NPAS1: variants seen among roughly 807,000 people sequenced by gnomAD.
NPAS1 encodes neuronal PAS domain-containing protein 1.
Under a neutral mutation model 49.2 loss-of-function variants are expected in NPAS1, and 29 were observed. That is an observed-to-expected ratio of 0.59 (90% CI 0.44 to 0.80). The LOEUF (loss-of-function observed/expected upper bound fraction) is 0.80, where lower values mean the gene tolerates loss of function less well. Ranked by LOEUF, NPAS1 falls within the 30% of genes least tolerant of loss-of-function variation. NPAS1 has a pLI of 0.00. For missense variants in NPAS1, 825 were observed against 835.5 expected (o/e 0.99, Z 0.15); for synonymous variants, 408 against 380.4 (o/e 1.07, Z -0.84).
chr19:47,027,500 CTGGTCTCCCA>C lies in NPAS1; in HGVS notation c.359-4776_359-4767del, dbSNP rs1404878891. Among the ~76,000 whole-genome samples the C allele has an allele frequency of 8.5e-4, 50 of 58,704 alleles. 8 individuals carry two copies. Among genetic ancestry groups the C allele is most frequent in the African/African-American group, 3.5e-3 (49 of 14,046 alleles). The allele number at this position is 58,704 out of a possible 152,430, so 38.5% of individuals were successfully genotyped here. On this transcript the variant is annotated intron_variant, in intron 3 of 11. Transcript: ENST00000602212. ...CCCCTGGTCTCCCGTCTCTCTGCCC[CTGGTCTCCCA>C]TCTCTCTGCCCCTGTTCTCCCTTCT...
intron 6 of NPAS1, among the ~76,000 whole-genome samples, chr19:47,038,791 A>G (rs2056987616): frequency 6.6e-6 from 1 of 151,760 alleles, no homozygotes; most frequent in Non-Finnish European, 1.5e-5. Context: ...TGCGCCATTC[A>G]CTCCAGCCTG....
intron 6 of NPAS1, 39 bp from the exon 7 acceptor site, chr19:47,038,997 C>G: frequency 6.3e-7 from 1 of 1,586,778 alleles, no homozygotes; most frequent in Non-Finnish European, 8.7e-7. Context: ...TGTGTTTCCT[C>G]TTCAGGACCC....
rs1463909723 is a variant in NPAS1 at position 47,036,059 on chromosome 19, C to T, written c.618C>T (p.Gly206=). The change falls in exon 6 of 12, where the codon GGC becomes GGT. Residue 206 remains glycine (G), a synonymous_variant. Coordinates refer to ENST00000602212, the MANE Select transcript of NPAS1 (RefSeq NM_002517.4). The part of the protein sequence containing the change: ...EQLGLRTPTP[G]PPTPPSVSSS... ...TGGGGCTGCGGACGCCGACGCCCGGCCCCCCAACCCCGCCCTCCGTCTCCT... is the reference window on the plus strand; with the variant it reads ...TGGGGCTGCGGACGCCGACGCCCGGTCCCCCAACCCCGCCCTCCGTCTCCT... 1.9e-6 allele frequency: 3 copies of T among 1,598,554 alleles called. No individual in the cohort carries two copies. Among genetic ancestry groups the T allele is most frequent in the African/African-American group, 1.3e-5 (1 of 74,584 alleles).
intron 5 of NPAS1, among the ~76,000 whole-genome samples, chr19:47,033,199 G>T (rs550658101): frequency 1.3e-5 from 2 of 151,708 alleles, no homozygotes; most frequent in South Asian, 2.1e-4. Flanking sequence ...GCCTCCCAAA[G>T]TGCTAGGATT....
chr19:47,037,734 G>A (rs1166587886), intron 6 of NPAS1, among the ~76,000 whole-genome samples: 3 of 152,218 alleles, frequency 2.0e-5, no homozygotes, highest in African/African-American at 4.8e-5. Context: ...GCTTGCAAGC[G>A]TGGGGCGAAG....
chr19:47,027,327 T>TCTCTCTGCCCCAGGTC (rs2056877324), intron 3 of NPAS1, among the ~76,000 whole-genome samples: 3 of 118,456 alleles, frequency 2.5e-5, no homozygotes, highest in African/African-American at 7.6e-5. Flanking sequence ...TGCCCCTGGA[T>TCTCTCTGCCCCAGGTC]CCCCCTCTCT....
In NPAS1 at chr19:47,042,910, C is replaced by A. The variant is rs745856530; in HGVS notation, c.1312+6C>A. 4 of 1,577,070 alleles carry A rather than the reference C, an allele frequency of 2.5e-6. No individual in the cohort carries two copies. Among genetic ancestry groups the A allele is most frequent in the Non-Finnish European group, 3.4e-6 (4 of 1,161,924 alleles). ...CCCGGGGCCAGAGCCCACAGGTGAG[C>A]CCCACCTCCCACCTTGGCCCCTGGG... On this transcript the variant is annotated splice_donor_region_variant and intron_variant, in intron 11 of 11. Transcript: ENST00000602212.
chr19:47,022,440 G>A (rs1449080972), intron 3 of NPAS1, among the ~76,000 whole-genome samples: 1 of 152,256 alleles, frequency 6.6e-6, no homozygotes, highest in East Asian at 1.9e-4. Context: ...TTAATGTGAA[G>A]TGGGAAAAAA....
chr19:47,039,341 A>G, intron 7 of NPAS1, 66 bp from the exon 8 acceptor site: 1 of 1,594,254 alleles, frequency 6.3e-7, no homozygotes, highest in Non-Finnish European at 8.6e-7. Context: ...AACCCAGCCC[A>G]GTGATGGTCC....
rs1213286611 is a variant in NPAS1, at chr19:47,045,203, C to T, written c.1325C>T (p.Pro442Leu). ...CTTCCTCTTCCAGAGCCGGAGCCTC[C>T]GACGGAAGGGAAGCAGGCTGCCCCA... ...PGPEPTEPEP[P>L]TEGKQAAPAE... Residue 442 changes from proline (P) to leucine (L), a missense_variant, in exon 12 of 12, where the codon CCG (proline) becomes CTG (leucine). By Grantham distance (98) the Pro-to-Leu change is moderately conservative (BLOSUM62 -3). Transcript: ENST00000602212. The T allele has an allele frequency of 2.2e-5, 35 of 1,613,506 alleles. No individual in the cohort carries two copies. Among genetic ancestry groups the T allele is most frequent in the Non-Finnish European group, 2.9e-5 (34 of 1,179,838 alleles).
chr19:47,034,924 G>A (rs2056936828), intron 5 of NPAS1, among the ~76,000 whole-genome samples: 1 of 151,110 alleles, frequency 6.6e-6, no homozygotes, highest in Admixed American at 6.6e-5. Context: ...GCTCATGCCC[G>A]TAAACCCAGC....
At chr19:47,034,892 C>CA (rs934500295) in intron 5 of NPAS1, among the ~76,000 whole-genome samples, 1 of 138,592 alleles carries the variant, frequency 7.2e-6, no homozygotes, top group African/African-American at 2.7e-5. Context: ...CAAAACAAAA[C>CA]AAAAAAAGTC....
At chr19:47,035,737 G>A (rs1344135676) in intron 5 of NPAS1, 9 of 511,194 alleles carry the variant, frequency 1.8e-5, no homozygotes, top group Non-Finnish European at 2.0e-5. Context: ...AATAGAGTGG[G>A]CGGGGAAAAA....
chr19:47,020,326 G>A (rs1454889970), intron 1 of NPAS1, among the ~76,000 whole-genome samples: 2 of 152,062 alleles, frequency 1.3e-5, no homozygotes, highest in East Asian at 1.9e-4. Flanking sequence ...GGCCCCGAGT[G>A]TCGGGTCAAT....
At chr19:47,023,649 T>G (rs571203683) in intron 3 of NPAS1, among the ~76,000 whole-genome samples, 5 of 152,084 alleles carry the variant, frequency 3.3e-5, no homozygotes, top group Non-Finnish European at 1.5e-5. Flanking sequence ...GGGAGGGGAC[T>G]CCCATGCCCT....
chr19:47,037,380 C>A (rs1599912402), intron 6 of NPAS1, among the ~76,000 whole-genome samples: 2 of 147,176 alleles, frequency 1.4e-5, no homozygotes, highest in African/African-American at 5.1e-5. Flanking sequence ...TGCATTAGAT[C>A]CTAAGCGCAG....
chr19:47,026,726 A>G lies in NPAS1; in HGVS notation c.358+4879A>G, dbSNP rs574836806. Reference sequence around the variant, plus strand: ...TCCCAGCACTTTGTGAGGCCGAGGCAGGTGGATCACCTGAGGTCAGGAGTT... The same window carrying G: ...TCCCAGCACTTTGTGAGGCCGAGGCGGGTGGATCACCTGAGGTCAGGAGTT... On this transcript the variant is annotated intron_variant, in intron 3 of 11. Transcript: ENST00000602212. Among the ~76,000 whole-genome samples, 7 of 152,246 alleles carry G rather than the reference A, an allele frequency of 4.6e-5. No individual in the cohort carries two copies. In the South Asian group the frequency reaches 1.0e-3, roughly 23 times the overall value.
chr19:47,037,273 C>T (rs1174768632), intron 6 of NPAS1, among the ~76,000 whole-genome samples: 1 of 139,516 alleles, frequency 7.2e-6, no homozygotes, highest in African/African-American at 2.8e-5. Context: ...ATCGCTTGAA[C>T]CTGGGAGGTG....
intron 10 of NPAS1, among the ~76,000 whole-genome samples, chr19:47,042,453 A>G (rs546850336): frequency 2.0e-5 from 3 of 152,292 alleles, no homozygotes; most frequent in East Asian, 3.9e-4. Context: ...GGAGGAGACC[A>G]TCTTCTGCCC....
Sources: gnomAD v4.1 joint callset for allele counts (sites outside exome capture counted in the v4.1 genomes callset) on GRCh38, gnomAD v4.1.1 for gene constraint, MANE v1.5 for transcripts, NCBI Gene and HGNC (gene_info 2026-07-23, HGNC 2026-07-21) for gene names.